The following STK3 variants were observed in gnomAD, a reference collection of about 807,000 sequenced individuals.
STK3 encodes the protein serine/threonine kinase 3.
STK3 carries 41 observed loss-of-function variants against 58.0 expected under a neutral mutation model. The observed-to-expected ratio is 0.71, with a 90% CI of 0.55 to 0.92. The LOEUF is 0.92. Ranked by LOEUF, STK3 falls within the 40% of genes least tolerant of loss-of-function variation. The probability of loss-of-function intolerance (pLI) is 0.00; values close to 1 mark genes in which losing one functional copy is unlikely to be tolerated. For synonymous variants in STK3, 170 were observed against 191.0 expected, an observed-to-expected ratio of 0.89 and a Z score of 0.91; for missense variants, 479 against 602.7, an observed-to-expected ratio of 0.79 and a Z score of 2.15.
chr8:98,766,418 TCAAAAA>T (rs1181406823), intron 3 of STK3, among the ~76,000 whole-genome samples: 1 of 152,142 alleles, frequency 6.6e-6, no homozygotes, highest in Non-Finnish European at 1.5e-5. Flanking sequence ...CCCTTTAACA[TCAAAAA>T]CTCATTCTCA....
intron 6 of STK3, among the ~76,000 whole-genome samples, chr8:98,703,992 C>T (rs1413274934): frequency 6.6e-6 from 1 of 152,130 alleles, no homozygotes; most frequent in Non-Finnish European, 1.5e-5. Context: ...TAATATTCTA[C>T]ATTGACAAAA....
chr8:98,825,415 G>T, intron 1 of STK3, 100 bp downstream of exon 1: 2 of 1,142,250 alleles, frequency 1.8e-6, no homozygotes, highest in Non-Finnish European at 2.2e-6. Flanking sequence ...TCGGGGCCCG[G>T]CGGGCGGGGA....
At chr8:98,525,395 T>TA (rs994881383) in intron 10 of STK3, among the ~76,000 whole-genome samples, 56 of 146,586 alleles carry the variant, frequency 3.8e-4, no homozygotes, top group African/African-American at 1.4e-3. Context: ...CATGTAAATT[T>TA]AAAAAACAGC....
chr8:98,514,547 A>G (rs1347277047), intron 10 of STK3, among the ~76,000 whole-genome samples: 1 of 151,760 alleles, frequency 6.6e-6, no homozygotes, highest in Non-Finnish European at 1.5e-5. Context: ...TCCCCACAAA[A>G]AAAAAAAACA....
chr8:98,844,469 G>T (rs900119891), intron 3 of STK3, among the ~76,000 whole-genome samples: 12 of 137,650 alleles, frequency 8.7e-5, no homozygotes, highest in African/African-American at 1.8e-4. Flanking sequence ...GTGTGTGTGT[G>T]TTTTTGTTTT....
chr8:98,413,660 G>T, intron 3 of STK3: 8 of 874,462 alleles, frequency 9.1e-6, no homozygotes, highest in African/African-American at 1.6e-5. Context: ...TAGAAAAGCA[G>T]TTGAGGAACT....
At chr8:98,413,423 C>G in intron 3 of STK3, 1 of 568,074 alleles carries the variant, frequency 1.8e-6, no homozygotes, top group Admixed American at 1.9e-5. Context: ...GCTGATCCCT[C>G]ACTTTCCTGG....
At chr8:98,738,959 G>A (rs1675542628) in intron 4 of STK3, among the ~76,000 whole-genome samples, 1 of 152,248 alleles carries the variant, frequency 6.6e-6, no homozygotes. Flanking sequence ...TGGCTCGGAG[G>A]GTCCTACGCC....
chr8:98,838,988 T>TG (rs1835857073), intron 3 of STK3, among the ~76,000 whole-genome samples: 3 of 145,070 alleles, frequency 2.1e-5, no homozygotes, highest in Admixed American at 1.4e-4. Flanking sequence ...TTTGTTTGTT[T>TG]TGTGTGTGTG....
chr8:98,580,290 T>C (rs1813766849), intron 7 of STK3, among the ~76,000 whole-genome samples: 1 of 152,164 alleles, frequency 6.6e-6, no homozygotes, highest in Admixed American at 6.5e-5. Context: ...AAGACAAAAA[T>C]ATTTTTTCAG....
At position 98,377,591 on chromosome 8, in the gene STK3, C is replaced by G. The variant is rs138377936; in HGVS notation, n.111+1562G>C. Among the ~76,000 whole-genome samples, 1,073 of 151,796 alleles carry G rather than the reference C, an allele frequency of 7.1e-3. 10 individuals are homozygous for G. Among genetic ancestry groups the G allele is most frequent in the African/African-American group, 0.02 (830 of 41,388 alleles). Reference sequence around the variant, plus strand: ...CATTGAAAATATAAGAAAAAAAAACCTCATGCACAACTTCTGTGTCCTGTT... The same window carrying G: ...CATTGAAAATATAAGAAAAAAAAACGTCATGCACAACTTCTGTGTCCTGTT... On this transcript the variant is annotated intron_variant and non_coding_transcript_variant, in intron 2 of 2. Transcript: ENST00000518704.
rs142561538 is a variant in STK3, at chr8:98,762,534, G to A, written c.236+4709C>T. ...CTCCCAAAGTGCTGGGATTACAGGCGTGAGCCATGGCACCCGGCCGAGACC... is the reference window on the plus strand; with the variant it reads ...CTCCCAAAGTGCTGGGATTACAGGCATGAGCCATGGCACCCGGCCGAGACC... On this transcript the variant is annotated intron_variant, in intron 3 of 10. Transcript: ENST00000419617. Among the ~76,000 whole-genome samples, 1,180 of 152,314 alleles carry A rather than the reference G, an allele frequency of 7.7e-3. 8 individuals carry two copies. Among genetic ancestry groups the A allele is most frequent in the African/African-American group, 0.021 (871 of 41,572 alleles).
At chr8:98,938,603 T>TGTGA (rs1307065294) in intron 1 of STK3, among the ~76,000 whole-genome samples, 6 of 152,218 alleles carry the variant, frequency 3.9e-5, no homozygotes, top group Middle Eastern at 3.4e-3. Flanking sequence ...GAGGGGAACA[T>TGTGA]GTGAGTCAGT....
At chr8:98,778,670 T>C (rs377363800) in intron 1 of STK3, among the ~76,000 whole-genome samples, 9 of 151,158 alleles carry the variant, frequency 6.0e-5, no homozygotes, top group Middle Eastern at 3.4e-3. Context: ...GAAAATGTGG[T>C]ACATATACAC....
intron 6 of STK3, among the ~76,000 whole-genome samples, chr8:98,615,165 G>T (rs1476240032): frequency 6.6e-6 from 1 of 151,810 alleles, no homozygotes; most frequent in African/African-American, 2.4e-5. Context: ...TGACCCCCGA[G>T]CAGCCTAACT....
chr8:98,893,996 A>C (rs1446251208), intron 1 of STK3, among the ~76,000 whole-genome samples: 1 of 152,256 alleles, frequency 6.6e-6, no homozygotes, highest in Non-Finnish European at 1.5e-5. Flanking sequence ...GTATAGCGGA[A>C]GGATAAGATG....
intron 1 of STK3, 139 bp from the exon 2 acceptor site, chr8:98,774,958 G>T: frequency 1.9e-6 from 1 of 516,822 alleles, no homozygotes; most frequent in Non-Finnish European, 3.3e-6. Context: ...AACATACATA[G>T]TAAACATTCT....
Position 98,585,408 on chromosome 8 carries a change from A to G in STK3, c.823-5619T>C, listed in dbSNP as rs552932924. The stretch of plus-strand genomic sequence containing the variant: ...TTTGTCAAAGATCAGATAGTTGTAG[A>G]TATGCGGCATTATTTCTAAGGGCTC... On this transcript the variant is annotated intron_variant, in intron 7 of 10. Transcript: ENST00000419617. Among the ~76,000 whole-genome samples, 684 of 151,860 alleles carry G rather than the reference A, an allele frequency of 4.5e-3. 6 individuals are homozygous for G. Among genetic ancestry groups the G allele is most frequent in the African/African-American group, 0.015 (620 of 41,360 alleles).
chr8:98,540,418 A>G (rs1810147115), intron 9 of STK3, among the ~76,000 whole-genome samples: 2 of 152,200 alleles, frequency 1.3e-5, no homozygotes, highest in South Asian at 2.1e-4. Context: ...AGCAGGGTTT[A>G]TCTTGTAAAT....
Sources: allele counts gnomAD v4.1 joint callset (sites outside exome capture counted in the v4.1 genomes callset), GRCh38; gene constraint gnomAD v4.1.1; transcripts MANE v1.5; gene names NCBI Gene and HGNC (gene_info 2026-07-23, HGNC 2026-07-21).